The following CNTN3 variants were observed in gnomAD, a reference collection of about 807,000 sequenced individuals.
CNTN3 encodes the protein contactin-3.
Under a neutral mutation model 119.1 loss-of-function variants are expected in CNTN3, and 60 were observed. The ratio of observed to expected loss-of-function variants is 0.50; its 90% confidence interval spans 0.41 to 0.62. The LOEUF (loss-of-function observed/expected upper bound fraction) is 0.62. Ranked by LOEUF, CNTN3 falls within the 20% of genes least tolerant of loss-of-function variation. CNTN3 has a pLI of 0.00. For synonymous variants in CNTN3, 450 were observed against 438.7 expected (o/e 1.03, Z -0.32); for missense variants, 1,101 against 1,242.4 (o/e 0.89, Z 1.71).
rs1390214427 is a variant in CNTN3, at chr3:74,521,179, G to A, written c.-67C>T. 6 of 819,500 alleles carry A rather than the reference G, an allele frequency of 7.3e-6. No individual in the cohort carries two copies. Among genetic ancestry groups the A allele is most frequent in the Non-Finnish European group, 1.1e-5 (6 of 525,770 alleles). 50.8% of individuals were successfully genotyped at this position (819,500 alleles called of 1,614,324 possible). A position where few individuals can be genotyped will look rare whatever the true frequency, so the allele number is the denominator to read the frequency against. ...GATGAATAGAATGCTTTCTCTTCAG[G>A]TAAATCCTTTAATCTGTAAAATATA... On this transcript the variant is annotated 5_prime_UTR_variant, in exon 2 of 23. Coordinates refer to ENST00000263665, the MANE Select transcript of CNTN3 (RefSeq NM_020872.3).
At chr3:74,552,341 GA>G (rs1341328023) in intron 1 of CNTN3, among the ~76,000 whole-genome samples, 4 of 152,152 alleles carry the variant, frequency 2.6e-5, no homozygotes, top group African/African-American at 9.7e-5. Flanking sequence ...GGATCTTTCG[GA>G]AAGAGTATGC....
intron 13 of CNTN3, among the ~76,000 whole-genome samples, chr3:74,328,077 T>C (rs1213776446): frequency 2.0e-5 from 3 of 151,898 alleles, no homozygotes; most frequent in Admixed American, 1.3e-4. Flanking sequence ...TGCAAAGATA[T>C]AGAAAGAATA....
chr3:74,588,704 T>G (rs1320139411), intron 1 of CNTN3, among the ~76,000 whole-genome samples: 1 of 152,118 alleles, frequency 6.6e-6, no homozygotes, highest in African/African-American at 2.4e-5. Context: ...GACTTCAAAC[T>G]ATACTACAAG....
chr3:74,492,165 A>G (rs1000350361), intron 3 of CNTN3, among the ~76,000 whole-genome samples: 1 of 152,196 alleles, frequency 6.6e-6, no homozygotes, highest in African/African-American at 2.4e-5. Flanking sequence ...CACAAATTAG[A>G]ATCTGCTTTT....
chr3:74,353,527 C>T (rs1575746332), intron 11 of CNTN3, among the ~76,000 whole-genome samples: 1 of 152,294 alleles, frequency 6.6e-6, no homozygotes, highest in African/African-American at 2.4e-5. Context: ...GAGGCCGAGA[C>T]GGGTGGATCA....
intron 1 of CNTN3, among the ~76,000 whole-genome samples, chr3:74,602,099 C>G (rs1704920034): frequency 6.6e-6 from 1 of 151,530 alleles, no homozygotes; most frequent in Non-Finnish European, 1.5e-5. Flanking sequence ...CATTTCAGCC[C>G]CAGAGTTCGA....
intron 1 of CNTN3, among the ~76,000 whole-genome samples, chr3:74,529,665 A>G (rs1703666488): frequency 6.6e-6 from 1 of 151,930 alleles, no homozygotes; most frequent in Non-Finnish European, 1.5e-5. Flanking sequence ...GAAATGAAAC[A>G]TTTTTAAAAG....
intron 5 of CNTN3, among the ~76,000 whole-genome samples, chr3:74,420,925 G>A (rs777834059): frequency 2.0e-5 from 3 of 152,154 alleles, no homozygotes; most frequent in Non-Finnish European, 4.4e-5. Flanking sequence ...TGCCTCATGT[G>A]CCATTTCTAA....
intron 17 of CNTN3, among the ~76,000 whole-genome samples, chr3:74,298,520 A>C (rs2106810579): frequency 6.6e-6 from 1 of 152,292 alleles, no homozygotes; most frequent in South Asian, 2.1e-4. Context: ...TCTTAAGCCA[A>C]ATAAAAATTA....
chr3:74,384,598 T>A (rs913506196), intron 5 of CNTN3, among the ~76,000 whole-genome samples: 6 of 152,222 alleles, frequency 3.9e-5, no homozygotes, highest in African/African-American at 1.4e-4. Flanking sequence ...ATTTTCCAAA[T>A]AAATTCCTAT....
At chr3:74,461,558 T>C (rs557814262) in intron 4 of CNTN3, among the ~76,000 whole-genome samples, 64 of 152,162 alleles carry the variant, frequency 4.2e-4, no homozygotes, top group Non-Finnish European at 8.5e-4. Context: ...AATTTGGATG[T>C]CCTTCTTTTG....
chr3:74,470,808 A>G (rs1702546391), intron 4 of CNTN3, among the ~76,000 whole-genome samples: 1 of 152,082 alleles, frequency 6.6e-6, no homozygotes, highest in Non-Finnish European at 1.5e-5. Flanking sequence ...GTTGCTGTGA[A>G]CTGCACTACT....
intron 13 of CNTN3, among the ~76,000 whole-genome samples, chr3:74,329,778 A>T (rs1703217088): frequency 1.3e-5 from 2 of 152,194 alleles, no homozygotes; most frequent in Non-Finnish European, 2.9e-5. Context: ...ATGGAGTAAA[A>T]TTCATTGCTT....
intron 5 of CNTN3, among the ~76,000 whole-genome samples, chr3:74,406,877 A>G (rs1413026408): frequency 2.0e-5 from 3 of 152,192 alleles, no homozygotes; most frequent in Non-Finnish European, 4.4e-5. Flanking sequence ...ATAAAAAGAC[A>G]TATAGGAGAC....
At chr3:74,420,331 G>A (rs527801423) in intron 5 of CNTN3, among the ~76,000 whole-genome samples, 31 of 152,240 alleles carry the variant, frequency 2.0e-4, no homozygotes, top group African/African-American at 6.7e-4. Flanking sequence ...AAATTACATT[G>A]ATTAATTAAG....
chr3:74,293,753 G>A (rs1338197241), intron 19 of CNTN3, among the ~76,000 whole-genome samples: 1 of 152,188 alleles, frequency 6.6e-6, no homozygotes, highest in Non-Finnish European at 1.5e-5. Flanking sequence ...GGGATTACAG[G>A]CGCAAGCCAC....
intron 20 of CNTN3, among the ~76,000 whole-genome samples, chr3:74,280,946 G>A (rs180757501): frequency 5.9e-5 from 9 of 152,332 alleles, no homozygotes; most frequent in Non-Finnish European, 8.8e-5. Context: ...TGATATCTGA[G>A]TGACAACGTG....
rs1001215282 is a variant in CNTN3, at chr3:74,267,531, CAG to C, written c.2705-155_2705-154del. The C allele has an allele frequency of 1.8e-5, 10 of 545,992 alleles. 1 individual carries two copies. Among genetic ancestry groups the C allele is most frequent in the South Asian group, 1.1e-4 (4 of 36,474 alleles). The allele number at this position is 545,992 out of a possible 1,614,324, so 33.8% of individuals were successfully genotyped here. On this transcript the variant is annotated intron_variant, in intron 20 of 22. Coordinates refer to ENST00000263665, the MANE Select transcript of CNTN3 (RefSeq NM_020872.3). ...AATAGATGAAATCAGAAAAAAATAA[CAG>C]AGTATATAAATTTCCTTTTTTTAGA...
intron 21 of CNTN3, 115 bp from the exon 22 acceptor site, chr3:74,266,764 A>G: frequency 1.2e-6 from 1 of 835,386 alleles, no homozygotes; most frequent in Non-Finnish European, 1.9e-6. Context: ...CTAGAATGTA[A>G]GTTTCATTCA....
Sources: gnomAD v4.1 joint callset for allele counts (sites outside exome capture counted in the v4.1 genomes callset) on GRCh38, gnomAD v4.1.1 for gene constraint, MANE v1.5 for transcripts, NCBI Gene and HGNC (gene_info 2026-07-23, HGNC 2026-07-21) for gene names.